Variants in NFATC1 observed in about 807,000 individuals in gnomAD.
The protein encoded by NFATC1 is nuclear factor of activated T-cells, cytoplasmic 1.
A neutral mutation model predicts 76.0 loss-of-function variants in NFATC1; 22 were observed. The observed-to-expected ratio is 0.29, with a 90% CI of 0.21 to 0.41. The LOEUF is 0.41. NFATC1 is among the 10% of genes least tolerant of loss of function. NFATC1 has a pLI of 1.00. For synonymous variants in NFATC1, 704 were observed against 613.1 expected, an observed-to-expected ratio of 1.15 and a Z score of -2.19; for missense variants, 1,357 against 1,337.7, an observed-to-expected ratio of 1.01 and a Z score of -0.23.
At chr18:79,492,256 C>A (rs995160016) in intron 9 of NFATC1, among the ~76,000 whole-genome samples, 2 of 152,132 alleles carry the variant, frequency 1.3e-5, no homozygotes, top group Non-Finnish European at 2.9e-5. Context: ...CAGCCCACAT[C>A]CTGTGCGTCT....
chr18:79,427,646 G>GTCGGGGGA (rs2086416487), intron 2 of NFATC1, among the ~76,000 whole-genome samples: 1 of 109,588 alleles, frequency 9.1e-6, no homozygotes, highest in Admixed American at 9.2e-5. Flanking sequence ...GTGCGGTGGA[G>GTCGGGGGA]GCTGGACGGC....
intron 3 of NFATC1, among the ~76,000 whole-genome samples, chr18:79,443,790 C>T (rs1215596861): frequency 6.6e-6 from 1 of 152,224 alleles, no homozygotes; most frequent in Non-Finnish European, 1.5e-5. Flanking sequence ...AGGCACAAGG[C>T]CCCTTCCCCA....
chr18:79,509,565 A>T (rs561885513), intron 9 of NFATC1, among the ~76,000 whole-genome samples: 1 of 152,312 alleles, frequency 6.6e-6, no homozygotes, highest in South Asian at 2.1e-4. Flanking sequence ...CTAGAGGGGC[A>T]CCCCTGCTCC....
rs1326882517 is a variant in NFATC1, at chr18:79,448,930, C to T, written c.1535C>T (p.Ser512Phe). 6.2e-7 allele frequency: 1 copy of T among 1,613,782 alleles called. No homozygotes were observed. Among genetic ancestry groups the T allele is most frequent in the East Asian group, 2.2e-5 (1 of 44,886 alleles). The change falls in exon 4 of 10, where the codon TCC becomes TTC. Residue 512 changes from serine to phenylalanine, a missense_variant. By Grantham distance (155) the Ser-to-Phe change is radical. Transcript: ENST00000427363. ...VSTTSHEAIL[S>F]NTKVLEIPLL... ...ACCACCAGCCACGAGGCCATCCTCT[C>T]CAACACCAAAGTCCTGGAGATCCCA...
intron 9 of NFATC1, among the ~76,000 whole-genome samples, chr18:79,495,464 T>G (rs1055004449): frequency 2.0e-5 from 3 of 152,256 alleles, no homozygotes; most frequent in African/African-American, 7.2e-5. Flanking sequence ...CTTTGACTCC[T>G]TAAAAGTGGG....
intron 7 of NFATC1, among the ~76,000 whole-genome samples, chr18:79,466,104 G>A (rs147910976): frequency 6.6e-6 from 1 of 152,330 alleles, no homozygotes; most frequent in Non-Finnish European, 1.5e-5. Flanking sequence ...GTGCGGGGAG[G>A]GCATGGCCCC....
intron 9 of NFATC1, among the ~76,000 whole-genome samples, chr18:79,487,774 G>A (rs2089552742): frequency 6.6e-6 from 1 of 152,186 alleles, no homozygotes; most frequent in Non-Finnish European, 1.5e-5. Context: ...CGCGTTAGAG[G>A]GTGATTCCGC....
chr18:79,487,426 G>A (rs1349923497), intron 9 of NFATC1, among the ~76,000 whole-genome samples: 2 of 152,226 alleles, frequency 1.3e-5, no homozygotes, highest in African/African-American at 2.4e-5. Flanking sequence ...TCTAAATGCA[G>A]TGGCGGCCTT....
At chr18:79,448,625 T>C in intron 3 of NFATC1, 157 bp from the exon 4 acceptor site, 4 of 718,506 alleles carry the variant, frequency 5.6e-6, no homozygotes, top group Non-Finnish European at 9.2e-6. Flanking sequence ...TCTAATCTGA[T>C]TTACAAAGAC....
At chr18:79,408,096 G>A (rs558441405) in intron 1 of NFATC1, among the ~76,000 whole-genome samples, 6 of 152,324 alleles carry the variant, frequency 3.9e-5, no homozygotes, top group South Asian at 2.1e-4. Flanking sequence ...CCAGGCTGCC[G>A]TGCCGTGTTT....
chr18:79,488,298 T>TTG (rs3222211), intron 9 of NFATC1, among the ~76,000 whole-genome samples: 17,447 of 140,718 alleles, frequency 0.12, 1,130 homozygotes, highest in East Asian at 0.26. Context: ...GCAGCCCTGG[T>TTG]TGTGTGTGTG....
At chr18:79,513,248 C>T (rs560244098) in intron 9 of NFATC1, among the ~76,000 whole-genome samples, 6 of 152,222 alleles carry the variant, frequency 3.9e-5, no homozygotes, top group East Asian at 1.9e-4. Flanking sequence ...ACGCCGTCCC[C>T]GGCCCCCACC....
At chr18:79,477,530 G>A (rs1340177531) in intron 8 of NFATC1, among the ~76,000 whole-genome samples, 2 of 152,118 alleles carry the variant, frequency 1.3e-5, no homozygotes, top group Non-Finnish European at 2.9e-5. Flanking sequence ...CTCAGTCTTT[G>A]GGGCTTCCAT....
chr18:79,527,468 G>A (rs1370797452), intron 9 of NFATC1, 60 bp from the exon 10 acceptor site: 3 of 1,377,490 alleles, frequency 2.2e-6, no homozygotes, highest in Non-Finnish European at 3.1e-6. Flanking sequence ...AGGGCTGGGG[G>A]CGTTGCTTTG....
intron 9 of NFATC1, among the ~76,000 whole-genome samples, chr18:79,522,087 G>T (rs1168054795): frequency 9.8e-6 from 1 of 101,846 alleles, no homozygotes; most frequent in Non-Finnish European, 2.0e-5. Context: ...CTGTTGGGGG[G>T]GGCCGTCTGC....
chr18:79,446,336 A>G (rs191642405), intron 3 of NFATC1, among the ~76,000 whole-genome samples: 8 of 152,236 alleles, frequency 5.3e-5, no homozygotes, highest in African/African-American at 1.7e-4. Flanking sequence ...TCCTGGGGGA[A>G]TTTTAAATTG....
At chr18:79,485,650 C>G (rs1302258913) in intron 8 of NFATC1, among the ~76,000 whole-genome samples, 2 of 152,228 alleles carry the variant, frequency 1.3e-5, no homozygotes, top group African/African-American at 4.8e-5. Flanking sequence ...AACTCGGGAG[C>G]CCCCTGTTCC....
In NFATC1 at chr18:79,410,945, G is replaced by A. The variant is rs150129624; in HGVS notation, c.670G>A (p.Gly224Arg). Residue 224 changes from glycine to arginine, a missense_variant, in exon 2 of 10, where the codon GGG becomes AGG. Gly to Arg is a moderately radical substitution (Grantham distance 125, BLOSUM62 -2). Transcript: ENST00000427363. The surrounding 1 kb of genome is among the most constrained non-coding windows in gnomAD (Gnocchi z 6.7). Reference sequence around the variant, plus strand: ...GGACCCCGAGGAGGGCTTTCCCCGCGGGCTGGGGGCCTGCACACTGCTGGG... The same window carrying A: ...GGACCCCGAGGAGGGCTTTCCCCGCAGGCTGGGGGCCTGCACACTGCTGGG... Reference protein sequence around the residue: ...TTDPEEGFPRGLGACTLLGSP... With the variant: ...TTDPEEGFPRRLGACTLLGSP... 13 of 1,602,306 alleles carry A rather than the reference G, an allele frequency of 8.1e-6. No homozygotes were observed. Among genetic ancestry groups the A allele is most frequent in the African/African-American group, 8.0e-5 (6 of 74,806 alleles).
chr18:79,441,979 G>A (rs1395526195), intron 3 of NFATC1, among the ~76,000 whole-genome samples: 1 of 152,152 alleles, frequency 6.6e-6, no homozygotes, highest in Non-Finnish European at 1.5e-5. Flanking sequence ...GTGCGTTGGG[G>A]CCCCTGCACC....
Sources: gnomAD v4.1 joint callset for allele counts (sites outside exome capture counted in the v4.1 genomes callset) on GRCh38, gnomAD v4.1.1 for gene constraint, Gnocchi (gnomAD v3.1) non-coding constraint, MANE v1.5 for transcripts, NCBI Gene and HGNC (gene_info 2026-07-23, HGNC 2026-07-21) for gene names.